RBFOX1: variants seen among roughly 807,000 people sequenced by gnomAD.
The protein encoded by RBFOX1 is RNA binding protein fox-1 homolog 1.
RBFOX1 carries 8 observed loss-of-function variants against 57.7 expected under a neutral mutation model. The observed-to-expected ratio is 0.14, with a 90% CI of 0.08 to 0.25. The LOEUF is 0.25. Among genes scored for constraint, RBFOX1 ranks in the 10% least tolerant of loss-of-function variants. RBFOX1 has a pLI of 1.00. For missense variants in RBFOX1, 611 were observed against 548.5 expected, an observed-to-expected ratio of 1.11 and a Z score of -1.14; for synonymous variants, 326 against 222.4, an observed-to-expected ratio of 1.47 and a Z score of -4.15.
intron 4 of RBFOX1, among the ~76,000 whole-genome samples, chr16:7,453,114 GA>G (rs2057715500): frequency 7.3e-6 from 1 of 137,140 alleles, no homozygotes; most frequent in East Asian, 2.1e-4. Context: ...GGATGACAGA[GA>G]GAGGCTTTGT....
chr16:6,355,675 G>A (rs1008276831), intron 2 of RBFOX1, among the ~76,000 whole-genome samples: 3 of 152,106 alleles, frequency 2.0e-5, no homozygotes, highest in Admixed American at 6.6e-5. Flanking sequence ...GGGTCAAATG[G>A]TATTTCTAGT....
chr16:7,546,892 T>C (rs1601516677), intron 5 of RBFOX1, among the ~76,000 whole-genome samples: 1 of 152,200 alleles, frequency 6.6e-6, no homozygotes, highest in East Asian at 1.9e-4. Flanking sequence ...ATTGTTTCTG[T>C]AGGATAAATT....
At chr16:7,626,795 A>C (rs1326767798) in intron 10 of RBFOX1, among the ~76,000 whole-genome samples, 1 of 152,224 alleles carries the variant, frequency 6.6e-6, no homozygotes, top group Non-Finnish European at 1.5e-5. Flanking sequence ...ATTTTTAGCA[A>C]AGAGGGTAGA....
At chr16:5,757,778 T>G (rs1433315497) in intron 3 of RBFOX1, among the ~76,000 whole-genome samples, 1 of 152,214 alleles carries the variant, frequency 6.6e-6, no homozygotes, top group Non-Finnish European at 1.5e-5. Flanking sequence ...TAAGTAGACT[T>G]GCTAGTAAGT....
intron 2 of RBFOX1, among the ~76,000 whole-genome samples, chr16:6,452,332 T>C (rs1156876810): frequency 6.6e-6 from 1 of 151,586 alleles, no homozygotes; most frequent in African/African-American, 2.4e-5. Context: ...GGTCCCTTCC[T>C]TCCATGGCTC....
chr16:7,518,137 G>T lies in RBFOX1; in HGVS notation c.28-10G>T. The T allele has an allele frequency of 6.2e-7, 1 of 1,600,916 alleles. No homozygotes were observed. Among genetic ancestry groups the T allele is most frequent in the Non-Finnish European group, 8.5e-7 (1 of 1,174,560 alleles). ...GTTCTCTCCCTCTCTGCACCTTTTT[G>T]ATTTTTCAGGGTAATCAGGAAGCAG... On this transcript the variant is annotated splice_polypyrimidine_tract_variant and intron_variant, in intron 4 of 15. Transcript: ENST00000550418.
chr16:5,278,895 C>A (rs1199202993), intron 1 of RBFOX1, among the ~76,000 whole-genome samples: 1 of 152,152 alleles, frequency 6.6e-6, no homozygotes, highest in Non-Finnish European at 1.5e-5. Flanking sequence ...AATCAGTTAG[C>A]TGTAAATACG....
rs143005409 is a variant in RBFOX1 at position 6,126,675 on chromosome 16, C to G, written c.-127+106683C>G. ...ATATTCTGGGGGTCTGGCTCCTCCCCTGGTTTTCACTAGAGCAGGTTTTGT... is the reference window on the plus strand; with the variant it reads ...ATATTCTGGGGGTCTGGCTCCTCCCGTGGTTTTCACTAGAGCAGGTTTTGT... On this transcript the variant is annotated intron_variant, in intron 1 of 15. Transcript: ENST00000550418. Among the ~76,000 whole-genome samples the G allele has an allele frequency of 2.6e-3, 391 of 152,228 alleles. 2 individuals are homozygous for G. The highest frequency in any genetic ancestry group is 9.2e-3 in the African/African-American group (381 of 41,544).
chr16:5,974,864 C>T lies in RBFOX1; in HGVS notation c.351+107529C>T, dbSNP rs1266507206. 7.2e-5 allele frequency among the ~76,000 whole-genome samples: 11 copies of T among 151,760 alleles called. No homozygotes were observed. The East Asian group carries it at 2.0e-3, about 27-fold the overall frequency. ...TCTCTATTAAAAATACAAAATTAGCCGGGCATGGTGGCACATGCCTATTAC... is the reference window on the plus strand; with the variant it reads ...TCTCTATTAAAAATACAAAATTAGCTGGGCATGGTGGCACATGCCTATTAC... On this transcript the variant is annotated intron_variant, in intron 4 of 19. Coordinates refer to the RBFOX1 transcript ENST00000641259.
intron 4 of RBFOX1, among the ~76,000 whole-genome samples, chr16:5,980,885 T>G (rs2060158626): frequency 6.6e-6 from 1 of 152,176 alleles, no homozygotes; most frequent in Non-Finnish European, 1.5e-5. Flanking sequence ...ATGGTTTTGT[T>G]TACACTGGGC....
At chr16:7,570,010 A>G (rs2092610102) in intron 5 of RBFOX1, among the ~76,000 whole-genome samples, 2 of 152,210 alleles carry the variant, frequency 1.3e-5, no homozygotes, top group African/African-American at 4.8e-5. Flanking sequence ...AGTATTTCCA[A>G]TGACAATTCA....
rs1023108635 is a variant in RBFOX1 at position 7,491,466 on chromosome 16, A to G, written c.28-26681A>G. 2.0e-5 allele frequency among the ~76,000 whole-genome samples: 3 copies of G among 151,266 alleles called. No homozygotes were observed. The Admixed American group carries it at 2.0e-4, about 10-fold the overall frequency. Reference sequence around the variant, plus strand: ...GGACTAGACACACCAAACATCAGCCAGACAGGTGATGTGATCCCTCTGATT... The same window carrying G: ...GGACTAGACACACCAAACATCAGCCGGACAGGTGATGTGATCCCTCTGATT... On this transcript the variant is annotated intron_variant, in intron 4 of 15. Coordinates refer to ENST00000550418, the MANE Select transcript of RBFOX1 (RefSeq NM_018723.4).
chr16:6,522,608 C>G (rs926255470), intron 2 of RBFOX1, among the ~76,000 whole-genome samples: 4 of 152,128 alleles, frequency 2.6e-5, no homozygotes, highest in Non-Finnish European at 5.9e-5. Flanking sequence ...TAAATATGAC[C>G]TGTTCAGAAA....
At chr16:5,810,033 G>C (rs900879671) in intron 3 of RBFOX1, among the ~76,000 whole-genome samples, 2 of 152,138 alleles carry the variant, frequency 1.3e-5, no homozygotes, top group African/African-American at 4.8e-5. Context: ...TAGGGACATG[G>C]ATGAAATTGG....
At chr16:6,258,314 G>A (rs1598897559) in intron 1 of RBFOX1, among the ~76,000 whole-genome samples, 1 of 151,714 alleles carries the variant, frequency 6.6e-6, no homozygotes, top group Admixed American at 6.6e-5. Context: ...TACAATGACA[G>A]CAAAGATACA....
intron 2 of RBFOX1, among the ~76,000 whole-genome samples, chr16:6,578,191 T>C (rs1446922335): frequency 6.6e-6 from 1 of 152,232 alleles, no homozygotes; most frequent in African/African-American, 2.4e-5. Context: ...TTACATATCA[T>C]TACCTCATAT....
chr16:7,248,479 A>G (rs998902886), intron 4 of RBFOX1, among the ~76,000 whole-genome samples: 1 of 152,176 alleles, frequency 6.6e-6, no homozygotes, highest in African/African-American at 2.4e-5. Context: ...AGAGACTTTC[A>G]CGCTTACACT....
chr16:6,761,965 C>T (rs565905877), intron 3 of RBFOX1, among the ~76,000 whole-genome samples: 1 of 152,092 alleles, frequency 6.6e-6, no homozygotes, highest in Non-Finnish European at 1.5e-5. Context: ...TCAACCACAG[C>T]CCACTTATGC....
intron 1 of RBFOX1, among the ~76,000 whole-genome samples, chr16:5,380,932 T>G (rs1010332372): frequency 1.3e-5 from 2 of 152,276 alleles, no homozygotes; most frequent in Non-Finnish European, 2.9e-5. Flanking sequence ...GTCACCTTTT[T>G]ATGCACTAAA....
Sources: allele counts gnomAD v4.1 joint callset (sites outside exome capture counted in the v4.1 genomes callset), GRCh38; gene constraint gnomAD v4.1.1; transcripts MANE v1.5; gene names NCBI Gene and HGNC (gene_info 2026-07-23, HGNC 2026-07-21).